The following UBR1 variants were observed in gnomAD, a reference collection of about 807,000 sequenced individuals.
The protein encoded by UBR1 is ubiquitin protein ligase E3 component n-recognin 1, also known as E3 ubiquitin-protein ligase UBR1.
UBR1 carries 102 observed loss-of-function variants against 242.1 expected under a neutral mutation model. The ratio of observed to expected loss-of-function variants is 0.42; its 90% CI spans 0.36 to 0.50. The LOEUF (loss-of-function observed/expected upper bound fraction) is 0.50. Ranked by LOEUF, UBR1 falls within the 20% of genes least tolerant of loss-of-function variation. The probability of loss-of-function intolerance (pLI) is 0.01; values close to 1 mark genes in which losing one functional copy is unlikely to be tolerated. For synonymous variants in UBR1, 675 were observed against 684.8 expected, an observed-to-expected ratio of 0.99 and a Z score of 0.22; for missense variants, 1,772 against 2,101.8, an observed-to-expected ratio of 0.84 and a Z score of 3.07.
intron 3 of UBR1, among the ~76,000 whole-genome samples, chr15:43,079,562 G>A (rs1162091056): frequency 4.6e-5 from 7 of 151,942 alleles, no homozygotes; most frequent in African/African-American, 7.3e-5. Context: ...GGTGGATCAT[G>A]AGGTCAGGAG....
chr15:43,066,701 A>T (rs2033756440), intron 6 of UBR1, among the ~76,000 whole-genome samples: 2 of 152,040 alleles, frequency 1.3e-5, no homozygotes, highest in Non-Finnish European at 2.9e-5. Context: ...TAGGTATTTT[A>T]TTCTCTCTGT....
intron 42 of UBR1, among the ~76,000 whole-genome samples, chr15:42,961,006 C>T (rs1229816649): frequency 4.6e-5 from 7 of 152,002 alleles, no homozygotes; most frequent in Admixed American, 1.3e-4. Context: ...GTGATCCGCC[C>T]GCCTCAGCCT....
At chr15:43,068,682 G>A (rs565931453) in intron 5 of UBR1, among the ~76,000 whole-genome samples, 6 of 151,998 alleles carry the variant, frequency 3.9e-5, no homozygotes, top group East Asian at 1.9e-4. Context: ...GTACGGTGGC[G>A]CAATCTTAGC....
Position 43,070,863 on chromosome 15 carries a change from C to G in UBR1, c.591G>C (p.Val197=), listed in dbSNP as rs777379274. The stretch of plus-strand genomic sequence containing the variant: ...TAGTCATTTCTACGACATATTTTAT[C>G]ACTGAAGGAAATATTTTCCTGGCTT... The part of the protein sequence containing the change: ...IVQARKIFPS[V]IKYVVEMTIW... The change falls in exon 5 of 47, where the codon GTG becomes GTC. Residue 197 remains valine, a synonymous_variant. Coordinates refer to ENST00000290650, the MANE Select transcript of UBR1 (RefSeq NM_174916.3). 6.2e-7 allele frequency: 1 copy of G among 1,613,690 alleles called. No individual in the cohort carries two copies. Among genetic ancestry groups the G allele is most frequent in the Non-Finnish European group, 8.5e-7 (1 of 1,179,972 alleles).
intron 4 of UBR1, among the ~76,000 whole-genome samples, chr15:43,071,284 C>G (rs1019216267): frequency 6.6e-6 from 1 of 152,166 alleles, no homozygotes; most frequent in Non-Finnish European, 1.5e-5. Flanking sequence ...GCTTGTTTCC[C>G]CAGATCCTCA....
intron 39 of UBR1, among the ~76,000 whole-genome samples, chr15:42,976,097 T>C (rs920944608): frequency 1.3e-5 from 2 of 152,248 alleles, no homozygotes; most frequent in African/African-American, 4.8e-5. Flanking sequence ...ATTACTAATG[T>C]ATCTTCAAAT....
At chr15:43,037,960 T>G in intron 16 of UBR1, 77 bp from the exon 17 acceptor site, 1 of 1,408,268 alleles carries the variant, frequency 7.1e-7, no homozygotes, top group Non-Finnish European at 9.9e-7. Context: ...CTACATATTC[T>G]TCAGTTTTCT....
At chr15:43,035,521 A>G (rs2033321567) in intron 19 of UBR1, among the ~76,000 whole-genome samples, 1 of 150,208 alleles carries the variant, frequency 6.7e-6, no homozygotes, top group Non-Finnish European at 1.5e-5. Flanking sequence ...TAGATTCTGG[A>G]TATTAGCCCT....
chr15:43,028,507 G>A (rs2033206327), intron 21 of UBR1, among the ~76,000 whole-genome samples: 1 of 152,090 alleles, frequency 6.6e-6, no homozygotes, highest in South Asian at 2.1e-4. Flanking sequence ...AGCACTTTGG[G>A]AGGCCGAGGC....
intron 6 of UBR1, among the ~76,000 whole-genome samples, chr15:43,062,393 T>C (rs1372745179): frequency 6.6e-6 from 1 of 151,986 alleles, no homozygotes; most frequent in East Asian, 1.9e-4. Context: ...ATATCTAAAA[T>C]AGTCAAGCTC....
At chr15:43,051,333 A>G (rs2033552360) in intron 12 of UBR1, among the ~76,000 whole-genome samples, 1 of 152,194 alleles carries the variant, frequency 6.6e-6, no homozygotes, top group African/African-American at 2.4e-5. Context: ...AGAAAACCAA[A>G]TACTGCATGT....
intron 44 of UBR1, among the ~76,000 whole-genome samples, chr15:42,954,894 T>A (rs2031893361): frequency 6.6e-6 from 1 of 151,882 alleles, no homozygotes; most frequent in Admixed American, 6.6e-5. Flanking sequence ...ACCGGCCAGG[T>A]GCGGTGGCTC....
chr15:42,988,289 G>GTA (rs1369209724), intron 35 of UBR1, among the ~76,000 whole-genome samples: 1 of 151,656 alleles, frequency 6.6e-6, no homozygotes, highest in Non-Finnish European at 1.5e-5. Context: ...GTGTGTGTGT[G>GTA]TGTGAACACA....
intron 1 of UBR1, among the ~76,000 whole-genome samples, chr15:43,089,600 T>C (rs1007001237): frequency 1.3e-5 from 2 of 152,120 alleles, no homozygotes; most frequent in Non-Finnish European, 2.9e-5. Context: ...CACAACATTA[T>C]TGTATTATTT....
chr15:42,980,790 C>T (rs546039062), intron 37 of UBR1, among the ~76,000 whole-genome samples: 46 of 152,130 alleles, frequency 3.0e-4, no homozygotes, highest in African/African-American at 3.9e-4. Context: ...TTTGTGGAGA[C>T]GGGGTTTCAC....
In UBR1 at chr15:43,032,635, T is replaced by C. The variant is rs771010049; in HGVS notation, c.2191-4A>G. On this transcript the variant is annotated splice_region_variant and splice_polypyrimidine_tract_variant and intron_variant, in intron 19 of 46. Transcript: ENST00000290650. ...TATTATATTGTTTAATCAAATCCTA[T>C]AGAATCGAAAAAGAGTAAATTAGTT... 6.7e-7 allele frequency: 1 copy of C among 1,498,116 alleles called. No homozygotes were observed. Among genetic ancestry groups the C allele is most frequent in the South Asian group, 1.2e-5 (1 of 86,914 alleles). The allele number at this position is 1,498,116 out of a possible 1,614,324, so 92.8% of individuals were successfully genotyped here. A position where few individuals can be genotyped will look rare whatever the true frequency, so the allele number is the denominator to read the frequency against.
In UBR1 at chr15:43,040,506, A is replaced by C. The variant is rs575237989; in HGVS notation, c.1850-2274T>G. Among the ~76,000 whole-genome samples, 407 of 152,284 alleles carry C rather than the reference A, an allele frequency of 2.7e-3. 3 individuals are homozygous for C. The highest frequency in any genetic ancestry group is 9.5e-3 in the African/African-American group (396 of 41,556). On this transcript the variant is annotated intron_variant, in intron 15 of 46. Coordinates refer to ENST00000290650, the MANE Select transcript of UBR1 (RefSeq NM_174916.3). Reference sequence around the variant, plus strand: ...TAAACCATAAAAACCCTAGAAGAAAACCTAGGCAATACCATTCAGGACATA... The same window carrying C: ...TAAACCATAAAAACCCTAGAAGAAACCCTAGGCAATACCATTCAGGACATA...
At chr15:42,994,193 C>T (rs2032598737) in intron 33 of UBR1, among the ~76,000 whole-genome samples, 1 of 151,792 alleles carries the variant, frequency 6.6e-6, no homozygotes, top group South Asian at 2.1e-4. Context: ...ACATAATTTC[C>T]CTTTTTGAAA....
Position 43,075,054 on chromosome 15 carries a change from A to G in UBR1, c.453T>C (p.Cys151=). 1 of 1,614,090 alleles carries G rather than the reference A, an allele frequency of 6.2e-7. No homozygotes were observed. The highest frequency in any genetic ancestry group is 8.5e-7 in the Non-Finnish European group (1 of 1,179,972). Residue 151 remains cysteine, a synonymous_variant, in exon 4 of 47, where the codon TGT becomes TGC. Transcript: ENST00000290650. ...CAGTTTTCCATGCCTCTGTGTCTCC[A>G]CAGTCACAGAACCCTCCTCCAGTAG... ...HTSTGGGFCD[C]GDTEAWKTGP...
Sources: allele counts gnomAD v4.1 joint callset (sites outside exome capture counted in the v4.1 genomes callset), GRCh38; gene constraint gnomAD v4.1.1; transcripts MANE v1.5; gene names NCBI Gene and HGNC (gene_info 2026-07-23, HGNC 2026-07-21).